The following SPTA1 variants were observed in gnomAD, a reference collection of about 807,000 sequenced individuals.
SPTA1 encodes spectrin alpha, erythrocytic 1, also known as spectrin alpha chain, erythrocytic 1.
SPTA1 carries 177 observed loss-of-function variants against 324.7 expected under a neutral mutation model. The observed-to-expected ratio is 0.55, with a 90% CI of 0.48 to 0.62. The LOEUF (loss-of-function observed/expected upper bound fraction) is 0.62. SPTA1 is among the 20% of genes least tolerant of loss of function. The pLI is 0.00. For synonymous variants in SPTA1, 1,195 were observed against 1,041.3 expected, an observed-to-expected ratio of 1.15 and a Z score of -2.84; for missense variants, 3,162 against 2,883.6, an observed-to-expected ratio of 1.10 and a Z score of -2.21.
intron 36 of SPTA1, among the ~76,000 whole-genome samples, chr1:158,637,788 G>A (rs1471171797): frequency 6.6e-6 from 1 of 152,198 alleles, no homozygotes; most frequent in Non-Finnish European, 1.5e-5. Flanking sequence ...TGGCTTCTTA[G>A]TTTTGTTCCT....
chr1:158,670,244 A>G (rs857682), intron 12 of SPTA1, among the ~76,000 whole-genome samples: 132,497 of 152,166 alleles, frequency 0.87, 60,418 homozygotes, highest in East Asian at 1. Context: ...CTCCAGTTAC[A>G]TAGGAGAAGA....
At chr1:158,650,724 T>C (rs1383312666) in intron 24 of SPTA1, among the ~76,000 whole-genome samples, 1 of 152,232 alleles carries the variant, frequency 6.6e-6, no homozygotes, top group Non-Finnish European at 1.5e-5. Flanking sequence ...GTATGTGTTG[T>C]AATTTAAGAA....
chr1:158,614,414 G>C, intron 48 of SPTA1, 108 bp from the exon 49 acceptor site: 1 of 814,242 alleles, frequency 1.2e-6, no homozygotes, highest in East Asian at 2.5e-5. Flanking sequence ...TTTGCTATTT[G>C]AGTCATCTAG....
At position 158,681,578 on chromosome 1, in the gene SPTA1, G is replaced by A; in HGVS notation, c.480C>T (p.Phe160=). 1 of 1,613,734 alleles carries A rather than the reference G, an allele frequency of 6.2e-7. No homozygotes were observed. The highest frequency in any genetic ancestry group is 2.2e-5 in the East Asian group (1 of 44,856). The part of the protein sequence containing the change: ...KGDQLLRALK[F]QQYVQECADI... ...CAGCACACTCCTGTACATACTGCTG[G>A]AACTTCAGGGCCCGCAGCAACTGGT... The change falls in exon 4 of 52, where the codon TTC becomes TTT. Residue 160 remains phenylalanine (F), a synonymous_variant. Coordinates refer to ENST00000643759, the MANE Select transcript of SPTA1 (RefSeq NM_003126.4).
Position 158,685,333 on chromosome 1 carries a change from A to C in SPTA1, c.39T>G (p.Ser13Arg). 2 of 1,613,404 alleles carry C rather than the reference A, an allele frequency of 1.2e-6. No individual in the cohort carries two copies. The highest frequency in any genetic ancestry group is 1.7e-6 in the Non-Finnish European group (2 of 1,179,760). ...CTGCTGTTTCCAAAACCTTTGGCCC[A>C]CTGCTCTCCACAACCTGCAAGTTAA... ...QFPKETVVES[S>R]GPKVLETAEE... Residue 13 changes from serine to arginine, a missense_variant, in exon 2 of 52, where the codon AGT (serine) becomes AGG (arginine). Transcript: ENST00000643759.
intron 3 of SPTA1, among the ~76,000 whole-genome samples, chr1:158,682,345 A>G (rs967298456): frequency 1.3e-5 from 2 of 152,176 alleles, no homozygotes; most frequent in Admixed American, 6.5e-5. Flanking sequence ...CCGCAATGGT[A>G]CCATTTGCTA....
At chr1:158,675,929 G>T (rs1003141805) in intron 8 of SPTA1, among the ~76,000 whole-genome samples, 4 of 152,134 alleles carry the variant, frequency 2.6e-5, no homozygotes, top group Admixed American at 2.6e-4. Flanking sequence ...GTGGTTGACT[G>T]CTGGTAACTG....
intron 14 of SPTA1, 82 bp downstream of exon 14, chr1:158,669,326 A>T: frequency 1.3e-6 from 2 of 1,588,660 alleles, no homozygotes; most frequent in Non-Finnish European, 8.6e-7. Context: ...GCTGAACGCT[A>T]AAGTTCATTT....
chr1:158,672,340 A>G (rs1008794076), intron 10 of SPTA1, 144 bp from the exon 11 acceptor site: 6 of 786,554 alleles, frequency 7.6e-6, no homozygotes, highest in Admixed American at 2.3e-5. Flanking sequence ...TTTTAAGCAA[A>G]TGATTGTACT....
intron 7 of SPTA1, among the ~76,000 whole-genome samples, chr1:158,677,226 G>T (rs1654448213): frequency 1.3e-5 from 2 of 152,238 alleles, no homozygotes; most frequent in East Asian, 3.9e-4. Context: ...CTAAAGGTAG[G>T]TTTAGCATTA....
chr1:158,620,602 A>G (rs986327962), intron 43 of SPTA1, 136 bp from the exon 44 acceptor site: 21 of 1,036,446 alleles, frequency 2.0e-5, no homozygotes, highest in East Asian at 1.3e-4. Flanking sequence ...ACTAAAACCA[A>G]TAGGGACTGT....
At chr1:158,623,226 A>G in intron 42 of SPTA1, 34 bp from the exon 43 acceptor site, 1 of 1,582,180 alleles carries the variant, frequency 6.3e-7, no homozygotes, top group Admixed American at 1.7e-5. Flanking sequence ...CGTGAACAAG[A>G]AAATGGTGCA....
At position 158,645,338 on chromosome 1, in the gene SPTA1, T is replaced by C. The variant is rs1651913479; in HGVS notation, c.4044A>G (p.Leu1348=). ...CGATAAGTTCTGCACTGAAGTCCTC[T>C]AAGGCCTGGAAGGTGGGAGCCTCTG... ...MEAEAPTFQA[L]EDFSAELIDS... Residue 1348 remains leucine, a synonymous_variant, in exon 29 of 52, where the codon TTA becomes TTG. Coordinates refer to ENST00000643759, the MANE Select transcript of SPTA1 (RefSeq NM_003126.4). 2 of 1,613,910 alleles carry C rather than the reference T, an allele frequency of 1.2e-6. No homozygotes were observed. Among genetic ancestry groups the C allele is most frequent in the Non-Finnish European group, 1.7e-6 (2 of 1,179,954 alleles).
intron 14 of SPTA1, among the ~76,000 whole-genome samples, chr1:158,668,906 T>C (rs1049642261): frequency 6.6e-6 from 1 of 152,190 alleles, no homozygotes; most frequent in Non-Finnish European, 1.5e-5. Context: ...CTTCTCAACT[T>C]AGATCCTGGT....
At chr1:158,613,579 G>A (rs1205665510) in intron 50 of SPTA1, 142 bp downstream of exon 50, 7 of 1,168,908 alleles carry the variant, frequency 6.0e-6, no homozygotes, top group South Asian at 1.3e-5. Context: ...GGCACCAAGA[G>A]CTGCCTAATT....
At chr1:158,653,552 T>A in intron 21 of SPTA1, 127 bp from the exon 22 acceptor site, 3 of 1,250,116 alleles carry the variant, frequency 2.4e-6, no homozygotes, top group Non-Finnish European at 3.4e-6. Context: ...CCATGTCTAA[T>A]GAGTGGCACA....
rs1654074812 is a variant in SPTA1, at chr1:158,672,196, T to C, written c.1351A>G (p.Met451Val). 1 of 1,613,546 alleles carries C rather than the reference T, an allele frequency of 6.2e-7. No homozygotes were observed. The highest frequency in any genetic ancestry group is 8.5e-7 in the Non-Finnish European group (1 of 1,179,626). The part of the protein sequence containing the change: ...HEASDEVREK[M>V]EILDNNWTAL... ...GTCCAGTTGTTGTCAAGTATTTCCA[T>C]CTTTGGAAAGAAGGAGATAATGTAT... Residue 451 changes from methionine (M) to valine (V), a missense_variant and splice_region_variant, in exon 11 of 52, where the codon ATG (methionine) becomes GTG (valine). Met to Val is a conservative substitution (Grantham distance 21). Coordinates refer to ENST00000643759, the MANE Select transcript of SPTA1 (RefSeq NM_003126.4).
At position 158,671,455 on chromosome 1, in the gene SPTA1, T is replaced by C; in HGVS notation, c.1489-2A>G. 6.2e-7 allele frequency: 1 copy of C among 1,611,420 alleles called. No individual in the cohort carries two copies. Among genetic ancestry groups the C allele is most frequent in the Non-Finnish European group, 8.5e-7 (1 of 1,178,884 alleles). ...CAGATCCTCGTTTTCCAGGAAGGCCTGTAGAAGACAGAAAGACACACCTAA... is the reference window on the plus strand; with the variant it reads ...CAGATCCTCGTTTTCCAGGAAGGCCCGTAGAAGACAGAAAGACACACCTAA... On this transcript the variant is annotated splice_acceptor_variant, in intron 11 of 51. Transcript: ENST00000643759. LOFTEE classifies it high-confidence loss of function.
intron 27 of SPTA1, among the ~76,000 whole-genome samples, chr1:158,647,025 C>A (rs760435680): frequency 1.2e-4 from 19 of 152,038 alleles, no homozygotes; most frequent in Non-Finnish European, 2.5e-4. Flanking sequence ...CCTCCCCAAA[C>A]ATGTTCTTAT....
Sources: gnomAD v4.1 joint callset for allele counts (sites outside exome capture counted in the v4.1 genomes callset) on GRCh38, gnomAD v4.1.1 for gene constraint, MANE v1.5 for transcripts, NCBI Gene and HGNC (gene_info 2026-07-23, HGNC 2026-07-21) for gene names.